The following C12orf76 variants were observed in gnomAD, a reference collection of about 807,000 sequenced individuals.
C12orf76 encodes the protein uncharacterized protein C12orf76.
C12orf76 carries 6 observed loss-of-function variants against 6.8 expected under a neutral mutation model. The ratio of observed to expected loss-of-function variants is 0.88; its 90% CI spans 0.48 to 1.73. The LOEUF (loss-of-function observed/expected upper bound fraction) is 1.73. Among genes scored for constraint, C12orf76 ranks in the 40% most tolerant of loss-of-function variants. The pLI, the probability that C12orf76 is intolerant of heterozygous loss-of-function variation, is 0.01. For missense variants in C12orf76, 99 were observed against 98.2 expected (o/e 1.01, Z -0.03); for synonymous variants, 56 against 43.7 (o/e 1.28, Z -1.11).
At chr12:110,042,750 G>C (rs1201567821) in intron 1 of C12orf76, 48 of 614,652 alleles carry the variant, frequency 7.8e-5, no homozygotes, top group Non-Finnish European at 1.0e-4. Flanking sequence ...GGAAGCATCC[G>C]AGGAGGAGAC....
chr12:110,057,802 G>A (rs897315734), intron 3 of C12orf76, among the ~76,000 whole-genome samples: 18 of 152,040 alleles, frequency 1.2e-4, no homozygotes, highest in South Asian at 4.1e-4. Flanking sequence ...AGTGACTCAC[G>A]CCTGTAATCC....
chr12:110,068,310 GAAGAAGAAGAAGAAGAA>G (rs1892912910), upstream of C12orf76, among the ~76,000 whole-genome samples: 1 of 145,924 alleles, frequency 6.9e-6, no homozygotes, highest in African/African-American at 2.5e-5. Context: ...AGAAGAAGAA[GAAGAAGAAGAAGAAGAA>G]GAAGGCGGCC....
chr12:110,073,215 C>A (rs190827379), intron 1 of C12orf76, among the ~76,000 whole-genome samples: 2 of 152,170 alleles, frequency 1.3e-5, no homozygotes, highest in Non-Finnish European at 2.9e-5. Context: ...GAATCCCGCT[C>A]GCCTTCCATG....
chr12:110,072,998 G>A (rs541965929), intron 1 of C12orf76, among the ~76,000 whole-genome samples: 9 of 151,948 alleles, frequency 5.9e-5, no homozygotes, highest in African/African-American at 2.2e-4. Context: ...CAAAAGGCAG[G>A]TGTTGGTGAC....
At chr12:110,066,199 C>T (rs908857309) in intron 1 of C12orf76, among the ~76,000 whole-genome samples, 21 of 151,698 alleles carry the variant, frequency 1.4e-4, no homozygotes, top group Admixed American at 3.3e-4. Context: ...TGGCGAAGCC[C>T]TATCTCTACT....
intron 2 of C12orf76, among the ~76,000 whole-genome samples, chr12:110,062,094 T>G (rs1039549890): frequency 6.6e-6 from 1 of 151,910 alleles, no homozygotes; most frequent in African/African-American, 2.4e-5. Flanking sequence ...TAAGACCCCC[T>G]CTCTACTAAA....
At chr12:110,057,370 A>G (rs1011469512) in intron 3 of C12orf76, 13 of 935,888 alleles carry the variant, frequency 1.4e-5, no homozygotes, top group South Asian at 4.2e-5. Flanking sequence ...CCCTTACCTC[A>G]TGACTAACCC....
chr12:110,061,535 CTT>C (rs111551192), intron 2 of C12orf76, among the ~76,000 whole-genome samples: 20 of 142,776 alleles, frequency 1.4e-4, no homozygotes, highest in African/African-American at 3.1e-4. Context: ...ACACTGCATA[CTT>C]TTTTTTTTTT....
chr12:110,066,249 G>A (rs914090671), intron 1 of C12orf76, among the ~76,000 whole-genome samples: 1 of 151,614 alleles, frequency 6.6e-6, no homozygotes, highest in Non-Finnish European at 1.5e-5. Flanking sequence ...GCACACGCCT[G>A]TAGTCCCATC....
intron 4 of C12orf76, among the ~76,000 whole-genome samples, chr12:110,056,124 T>C (rs1288408060): frequency 6.7e-6 from 1 of 149,008 alleles, no homozygotes; most frequent in East Asian, 2.0e-4. Context: ...AAAGAGGGAA[T>C]GAAATCCAGT....
upstream of C12orf76, among the ~76,000 whole-genome samples, chr12:110,068,322 G>GAAGAAA (rs1892916154): frequency 1.4e-5 from 2 of 139,280 alleles, no homozygotes; most frequent in African/African-American, 5.1e-5. Context: ...AGAAGAAGAA[G>GAAGAAA]AAGAAGAAGG....
At position 110,048,410 on chromosome 12, in the gene C12orf76, G is replaced by A; in HGVS notation, c.86C>T (p.Pro29Leu). The change falls in exon 1 of 2, where the codon CCG becomes CTG. Residue 29 changes from proline (P) to leucine (L), a missense_variant. Pro to Leu is a moderately conservative substitution (Grantham distance 98). Coordinates refer to ENST00000615315, the MANE Select transcript of C12orf76 (RefSeq NM_001389625.1). ...CGCGTACGGCCGGCTCCGCTCCAGC[G>A]GATCCACGGGGCTCGGGGCCTCTGC... ...GEAEAPSPVD[P>L]LERSRPYAVL... 4.6e-6 allele frequency: 7 copies of A among 1,515,382 alleles called. No homozygotes were observed. The highest frequency in any genetic ancestry group is 6.2e-6 in the Non-Finnish European group (7 of 1,136,854). The allele number at this position is 1,515,382 out of a possible 1,614,324, so 93.9% of individuals were successfully genotyped here.
chr12:110,061,661 T>C (rs1406138186), intron 2 of C12orf76, among the ~76,000 whole-genome samples: 4 of 151,916 alleles, frequency 2.6e-5, no homozygotes, highest in Non-Finnish European at 4.4e-5. Context: ...CTCAGCCTCC[T>C]GAGTAGCTGG....
chr12:110,042,412 T>C lies in C12orf76; in HGVS notation c.181A>G (p.Met61Val). The C allele has an allele frequency of 1.2e-6, 2 of 1,614,158 alleles. No individual in the cohort carries two copies. Among genetic ancestry groups the C allele is most frequent in the Non-Finnish European group, 1.7e-6 (2 of 1,179,994 alleles). ...ATGGGCTTGTAGACACAAAATGCCA[T>C]AAGGATGACAGTCACCAGCAGGATG... The part of the protein sequence containing the change: ...FSILLVTVIL[M>V]AFCVYKPIRR... The change falls in exon 2 of 2, where the codon ATG becomes GTG. Residue 61 changes from methionine to valine, a missense_variant. Met to Val is a conservative substitution (Grantham distance 21). Transcript: ENST00000615315.
intron 1 of C12orf76, among the ~76,000 whole-genome samples, 170 bp downstream of exon 1, chr12:110,048,193 G>C (rs1284110291): frequency 6.6e-6 from 1 of 152,198 alleles, no homozygotes; most frequent in African/African-American, 2.4e-5. Flanking sequence ...TCTGCCCCAG[G>C]CTTTTGGAGA....
At position 110,041,988 on chromosome 12, in the gene C12orf76, G is replaced by T. The variant is rs1423339471; in HGVS notation, c.*386C>A. 5.2e-6 allele frequency: 1 copy of T among 190,848 alleles called. No homozygotes were observed. The highest frequency in any genetic ancestry group is 1.1e-5 in the Non-Finnish European group (1 of 91,300). 11.8% of individuals were successfully genotyped at this position (190,848 alleles called of 1,614,324 possible). A position where few individuals can be genotyped will look rare whatever the true frequency, so the allele number is the denominator to read the frequency against. ...GTTCTTAAATAGGGAATGTCTGCAT[G>T]GTAAGTCTCCTTCTTAATAACATTT... On this transcript the variant is annotated 3_prime_UTR_variant, in exon 2 of 2. Transcript: ENST00000615315.
chr12:110,063,864 G>A (rs1229253910), intron 2 of C12orf76, among the ~76,000 whole-genome samples: 5 of 152,042 alleles, frequency 3.3e-5, no homozygotes, highest in East Asian at 1.9e-4. Context: ...CCAAGATCAC[G>A]CCACTGCAGT....
At position 110,048,370 on chromosome 12, in the gene C12orf76, C is replaced by G. The variant is rs1892506369; in HGVS notation, c.126G>C (p.Gln42His). The part of the protein sequence containing the change: ...RSRPYAVLRG[Q>H]NLVLMGTIFS... ...AGCCCGAGGGCCGCTCACCCAGGTT[C>G]TGCCCTCGCAGCACCGCGTACGGCC... Residue 42 changes from glutamine to histidine, a missense_variant, in exon 1 of 2, where the codon CAG becomes CAC. By Grantham distance (24) the Gln-to-His change is conservative. Coordinates refer to ENST00000615315, the MANE Select transcript of C12orf76 (RefSeq NM_001389625.1). 2 of 1,512,794 alleles carry G rather than the reference C, an allele frequency of 1.3e-6. No individual in the cohort carries two copies. The highest frequency in any genetic ancestry group is 2.1e-5 in the Admixed American group (1 of 48,166). 93.7% of individuals were successfully genotyped at this position (1,512,794 alleles called of 1,614,324 possible). A position where few individuals can be genotyped will look rare whatever the true frequency, so the allele number is the denominator to read the frequency against.
chr12:110,042,563 T>C, intron 1 of C12orf76, 104 bp from the exon 2 acceptor site: 1 of 751,426 alleles, frequency 1.3e-6, no homozygotes, highest in Non-Finnish European at 2.4e-6. Flanking sequence ...CCAGGCACTA[T>C]GTCAAGTGCT....
Sources: gnomAD v4.1 joint callset for allele counts (sites outside exome capture counted in the v4.1 genomes callset) on GRCh38, gnomAD v4.1.1 for gene constraint, MANE v1.5 for transcripts, NCBI Gene and HGNC (gene_info 2026-07-23, HGNC 2026-07-21) for gene names.